EYA2: variants seen among roughly 807,000 people sequenced by gnomAD.
EYA2 encodes EYA transcriptional coactivator and phosphatase 2.
Under a neutral mutation model 69.2 loss-of-function variants are expected in EYA2, and 31 were observed. That is an observed-to-expected ratio of 0.45 (90% confidence interval 0.34 to 0.60). EYA2 has a LOEUF of 0.60. Among genes scored for constraint, EYA2 ranks in the 20% least tolerant of loss-of-function variants. The pLI, the probability that EYA2 is intolerant of heterozygous loss-of-function variation, is 0.02. For synonymous variants in EYA2, 257 were observed against 279.4 expected, an observed-to-expected ratio of 0.92 and a Z score of 0.80; for missense variants, 622 against 701.2, an observed-to-expected ratio of 0.89 and a Z score of 1.28.
intron 10 of EYA2, among the ~76,000 whole-genome samples, chr20:47,150,890 C>G (rs2033809341): frequency 6.6e-6 from 1 of 152,002 alleles, no homozygotes; most frequent in Admixed American, 6.5e-5. Flanking sequence ...CCTTCCAAGG[C>G]AAGGGAGCCT....
chr20:47,120,529 G>A (rs2033018726), intron 9 of EYA2, among the ~76,000 whole-genome samples: 1 of 152,224 alleles, frequency 6.6e-6, no homozygotes, highest in Non-Finnish European at 1.5e-5. Context: ...GCCCAATGCG[G>A]TGGGGAAGTC....
intron 10 of EYA2, among the ~76,000 whole-genome samples, chr20:47,165,061 T>C: frequency 6.6e-6 from 1 of 152,228 alleles, no homozygotes; most frequent in Non-Finnish European, 1.5e-5. Context: ...TGGCTACATG[T>C]AGCTCTTGAG....
intron 1 of EYA2, among the ~76,000 whole-genome samples, chr20:46,987,916 GTCTCTCTCTCTCTCTCTCTCTCTC>G (rs1555809755): frequency 4.9e-5 from 1 of 20,352 alleles, no homozygotes; most frequent in Non-Finnish European, 9.6e-5. Context: ...GACAGAGTAA[GTCTCTCTCTCTCTCTCTCTCTCTC>G]TCTCTCTCTC....
At chr20:47,109,414 T>C (rs2032686251) in intron 9 of EYA2, among the ~76,000 whole-genome samples, 2 of 152,194 alleles carry the variant, frequency 1.3e-5, no homozygotes, top group Non-Finnish European at 2.9e-5. Context: ...CCTCCCTATA[T>C]AGCTCAGTGT....
At chr20:47,064,182 C>A (rs1414411689) in intron 5 of EYA2, among the ~76,000 whole-genome samples, 3 of 152,202 alleles carry the variant, frequency 2.0e-5, no homozygotes. Context: ...ATCTCAAACT[C>A]CTGGGCTCAA....
At chr20:47,136,964 T>A (rs1270207161) in intron 9 of EYA2, among the ~76,000 whole-genome samples, 1 of 152,104 alleles carries the variant, frequency 6.6e-6, no homozygotes, top group Non-Finnish European at 1.5e-5. Flanking sequence ...CGTCTTTGTC[T>A]GATCCGTACC....
At chr20:47,068,405 A>G (rs1033591183) in intron 5 of EYA2, among the ~76,000 whole-genome samples, 2 of 152,240 alleles carry the variant, frequency 1.3e-5, no homozygotes, top group Admixed American at 1.3e-4. Flanking sequence ...AAAGCACAGG[A>G]TCAGCACTGT....
chr20:47,078,155 G>T (rs1338994236), intron 7 of EYA2, among the ~76,000 whole-genome samples: 1 of 152,164 alleles, frequency 6.6e-6, no homozygotes, highest in Non-Finnish European at 1.5e-5. Context: ...CTTGATCAAA[G>T]GTTCAACAGT....
intron 5 of EYA2, among the ~76,000 whole-genome samples, chr20:47,040,459 C>A (rs1984994287): frequency 6.6e-6 from 1 of 152,210 alleles, no homozygotes; most frequent in Non-Finnish European, 1.5e-5. Context: ...AGGGGAATTG[C>A]TGTACCTCTC....
chr20:47,011,356 G>A (rs1209065748), intron 4 of EYA2, among the ~76,000 whole-genome samples: 5 of 152,120 alleles, frequency 3.3e-5, no homozygotes, highest in South Asian at 2.1e-4. Context: ...TGCTCAGGGG[G>A]CTGTTGATAT....
At chr20:47,001,224 C>G (rs111444217) in intron 2 of EYA2, among the ~76,000 whole-genome samples, 1,552 of 152,074 alleles carry the variant, frequency 0.01, 30 homozygotes, top group African/African-American at 0.035. Flanking sequence ...TGCACAGAGA[C>G]GAAGTGCACC....
At chr20:46,901,246 G>A (rs1169917701) in intron 1 of EYA2, 2 of 152,150 alleles carry the variant, frequency 1.3e-5, no homozygotes, top group Admixed American at 6.5e-5. Flanking sequence ...CCTGGTATTC[G>A]GATATGCGGA....
Position 47,073,716 on chromosome 20 carries a change from C to A in EYA2, c.484-442C>A, listed in dbSNP as rs537675449. Among the ~76,000 whole-genome samples the A allele has an allele frequency of 2.6e-5, 4 of 152,162 alleles. 1 individual carries two copies. The Middle Eastern group carries it at 0.01, about 388-fold the overall frequency. ...CTGGGCCCAAGGGGCTTTTCTAGAA[C>A]CAGTGCACGGGGCAGGCAGGAAGTG... On this transcript the variant is annotated intron_variant, in intron 6 of 15. Coordinates refer to ENST00000327619, the MANE Select transcript of EYA2 (RefSeq NM_005244.5).
chr20:47,115,679 C>G (rs920163974), intron 9 of EYA2, among the ~76,000 whole-genome samples: 1 of 152,114 alleles, frequency 6.6e-6, no homozygotes, highest in Non-Finnish European at 1.5e-5. Flanking sequence ...TCCCTGCTTC[C>G]CCTCTGCCTC....
chr20:46,901,292 T>A (rs1984093135), intron 1 of EYA2: 1 of 152,250 alleles, frequency 6.6e-6, no homozygotes, highest in Non-Finnish European at 1.5e-5. Flanking sequence ...ATGAAAATGT[T>A]CCTTCTGGTC....
rs2034017431 is a variant in EYA2, at chr20:47,159,279, A to G, written c.979-9860A>G. On this transcript the variant is annotated intron_variant, in intron 10 of 15. Transcript: ENST00000327619. Reference sequence around the variant, plus strand: ...TATTTACCCTTGATGTGATATGAAGAGAATGGCACTCCCCATCTGTGACCT... The same window carrying G: ...TATTTACCCTTGATGTGATATGAAGGGAATGGCACTCCCCATCTGTGACCT... Among the ~76,000 whole-genome samples, 3 of 152,004 alleles carry G rather than the reference A, an allele frequency of 2.0e-5. 1 individual carries two copies. In the South Asian group the frequency reaches 6.3e-4, roughly 32 times the overall value.
intron 1 of EYA2, among the ~76,000 whole-genome samples, chr20:46,969,471 G>A (rs1980008014): frequency 6.6e-6 from 1 of 152,176 alleles, no homozygotes; most frequent in Admixed American, 6.5e-5. Flanking sequence ...CCTTTGATTA[G>A]CTATATAACT....
intron 1 of EYA2, among the ~76,000 whole-genome samples, chr20:46,930,738 T>C (rs115993851): frequency 0.024 from 3,581 of 152,294 alleles, 94 homozygotes; most frequent in African/African-American, 0.061. Context: ...TATGTTCCTT[T>C]CTCCCCTCAA....
chr20:47,120,357 C>T (rs2033013667), intron 9 of EYA2, among the ~76,000 whole-genome samples: 1 of 152,160 alleles, frequency 6.6e-6, no homozygotes, highest in South Asian at 2.1e-4. Context: ...GCCTGGGCAA[C>T]AGAGTGAGAC....
Sources: allele counts gnomAD v4.1 joint callset (sites outside exome capture counted in the v4.1 genomes callset), GRCh38; gene constraint gnomAD v4.1.1; transcripts MANE v1.5; gene names NCBI Gene and HGNC (gene_info 2026-07-23, HGNC 2026-07-21).